The following CPS1 variants were observed in gnomAD, a reference collection of about 807,000 sequenced individuals.
The protein encoded by CPS1 is carbamoyl-phosphate synthase [ammonia], mitochondrial.
In CPS1, 109 loss-of-function variants were observed where a neutral mutation model predicts 174.6. The observed-to-expected ratio is 0.62, with a 90% CI of 0.53 to 0.73. The LOEUF is 0.73. Among genes scored for constraint, CPS1 ranks in the 30% least tolerant of loss-of-function variants. CPS1 has a pLI of 0.00. For missense variants in CPS1, 1,689 were observed against 1,821.9 expected (o/e 0.93, Z 1.33); for synonymous variants, 637 against 632.0 (o/e 1.01, Z -0.12).
At chr2:210,652,561 C>A (rs528946482) in intron 28 of CPS1, among the ~76,000 whole-genome samples, 2 of 152,164 alleles carry the variant, frequency 1.3e-5, no homozygotes, top group East Asian at 3.9e-4. Context: ...GAGTTTTCTG[C>A]CTTGGATAAC....
intron 1 of CPS1, among the ~76,000 whole-genome samples, chr2:210,508,912 C>T (rs189887278): frequency 6.6e-5 from 10 of 152,210 alleles, no homozygotes; most frequent in East Asian, 1.9e-4. Flanking sequence ...AAAAAAAGTC[C>T]GGGACCAGAC....
chr2:210,596,890 T>C (rs79858057), intron 13 of CPS1, among the ~76,000 whole-genome samples: 4,451 of 151,758 alleles, frequency 0.029, 95 homozygotes, highest in Admixed American at 0.056. Flanking sequence ...TTAGATTAGA[T>C]TGTGATCACT....
rs146571670 is a variant in CPS1 at position 210,570,248 on chromosome 2, C to T, written c.127-3050C>T. Among the ~76,000 whole-genome samples the T allele has an allele frequency of 2.4e-4, 36 of 151,602 alleles. No homozygotes were observed. The South Asian group carries it at 3.3e-3, about 14-fold the overall frequency. ...GATCTATAAAAACTGCCAAAAGAAC[C>T]AAAAATATAATTAAAGCAGCAAAAA... On this transcript the variant is annotated intron_variant, in intron 1 of 37. Transcript: ENST00000233072.
chr2:210,599,616 G>A (rs2106126719), intron 14 of CPS1, 55 bp downstream of exon 14: 1 of 1,548,688 alleles, frequency 6.5e-7, no homozygotes, highest in Non-Finnish European at 8.9e-7. Context: ...GCTGTGTAAT[G>A]TATTTTATTT....
intron 1 of CPS1, among the ~76,000 whole-genome samples, chr2:210,540,155 C>T (rs1574504163): frequency 2.0e-5 from 3 of 152,142 alleles, no homozygotes; most frequent in Admixed American, 2.0e-4. Context: ...TAACGAACTC[C>T]CCTCTCCCTG....
chr2:210,635,201 C>T (rs1700006998), intron 21 of CPS1, among the ~76,000 whole-genome samples: 1 of 152,068 alleles, frequency 6.6e-6, no homozygotes, highest in Admixed American at 6.6e-5. Flanking sequence ...CCTCAGCCTC[C>T]CGAAGTGCTG....
At chr2:210,655,382 A>G (rs779179216) in intron 29 of CPS1, among the ~76,000 whole-genome samples, 10 of 152,128 alleles carry the variant, frequency 6.6e-5, no homozygotes, top group Non-Finnish European at 1.3e-4. Flanking sequence ...GTTTTCTCAG[A>G]TATCAACTAT....
In CPS1 at chr2:210,668,327, G is replaced by C. The variant is rs1235683016; in HGVS notation, c.4101+43G>C. On this transcript the variant is annotated intron_variant, in intron 34 of 37. Coordinates refer to ENST00000233072, the MANE Select transcript of CPS1 (RefSeq NM_001875.5). The stretch of plus-strand genomic sequence containing the variant: ...GTGTGCTTGCCCATGGTCATACATG[G>C]TGAGTGGGGAGGGGCAGGATAGAAT... 3.8e-6 allele frequency: 5 copies of C among 1,331,376 alleles called. No individual in the cohort carries two copies. The African/African-American group carries it at 5.8e-5, about 15-fold the overall frequency. The allele number at this position is 1,331,376 out of a possible 1,614,324, so 82.5% of individuals were successfully genotyped here.
At chr2:210,479,003 G>T (rs1356141755) in intron 1 of CPS1, among the ~76,000 whole-genome samples, 15 of 146,866 alleles carry the variant, frequency 1.0e-4, no homozygotes, top group Admixed American at 9.8e-4. Flanking sequence ...AACCAACCCA[G>T]AGAATCCCTC....
At chr2:210,570,709 G>T (rs1355647573) in intron 1 of CPS1, among the ~76,000 whole-genome samples, 2 of 151,108 alleles carry the variant, frequency 1.3e-5, no homozygotes, top group African/African-American at 4.9e-5. Flanking sequence ...TTTTCATTTT[G>T]TAAAAGCATG....
chr2:210,612,427 T>A, intron 20 of CPS1, 134 bp downstream of exon 20: 2 of 799,788 alleles, frequency 2.5e-6, no homozygotes, highest in South Asian at 1.5e-5. Context: ...TCTTTTATAG[T>A]ATTAAACTGG....
At chr2:210,638,445 A>G (rs143870792) in intron 22 of CPS1, among the ~76,000 whole-genome samples, 1 of 152,208 alleles carries the variant, frequency 6.6e-6, no homozygotes, top group Non-Finnish European at 1.5e-5. Context: ...AAGTACCACC[A>G]GCTGGTTTTT....
rs576332642 is a variant in CPS1 at position 210,642,254 on chromosome 2, G to A, written c.2960-230G>A. Among the ~76,000 whole-genome samples the A allele has an allele frequency of 7.9e-5, 12 of 152,204 alleles. No homozygotes were observed. In the East Asian group the frequency reaches 2.3e-3, roughly 29 times the overall value. ...TTGAGATTTTCTATTGCAGAATTTAGCATATATGACAAGCCCAATATTTCC... is the reference window on the plus strand; with the variant it reads ...TTGAGATTTTCTATTGCAGAATTTAACATATATGACAAGCCCAATATTTCC... On this transcript the variant is annotated intron_variant, in intron 24 of 37. Transcript: ENST00000233072.
chr2:210,505,561 G>A (rs1247809682), intron 1 of CPS1, among the ~76,000 whole-genome samples: 1 of 145,876 alleles, frequency 6.9e-6, no homozygotes, highest in Non-Finnish European at 1.5e-5. Flanking sequence ...TGGGTGCAGT[G>A]CACTGAGCAT....
intron 13 of CPS1, among the ~76,000 whole-genome samples, chr2:210,597,857 CACAT>C (rs1698543771): frequency 6.7e-6 from 1 of 149,992 alleles, no homozygotes; most frequent in African/African-American, 2.5e-5. Context: ...CATACACACA[CACAT>C]GCATGCATAC....
chr2:210,548,971 G>A (rs1284533408), intron 1 of CPS1, among the ~76,000 whole-genome samples: 3 of 152,072 alleles, frequency 2.0e-5, no homozygotes, highest in Non-Finnish European at 4.4e-5. Context: ...ATCAGGTTCA[G>A]TATAACAAAT....
At chr2:210,515,053 A>G (rs1203643361) in intron 1 of CPS1, among the ~76,000 whole-genome samples, 1 of 151,850 alleles carries the variant, frequency 6.6e-6, no homozygotes, top group Non-Finnish European at 1.5e-5. Flanking sequence ...AGGCTACATC[A>G]TCATGGTGAA....
chr2:210,502,414 AAT>A (rs1372895792), intron 1 of CPS1, among the ~76,000 whole-genome samples: 1 of 146,300 alleles, frequency 6.8e-6, no homozygotes, highest in Non-Finnish European at 1.5e-5. Context: ...ATATATATAT[AAT>A]ATATATATAA....
intron 30 of CPS1, chr2:210,658,377 A>G (rs1700793285): frequency 2.1e-6 from 1 of 480,812 alleles, no homozygotes; most frequent in South Asian, 2.1e-5. Flanking sequence ...AATCGTGTAC[A>G]ATTATTTGTT....
Sources: gnomAD v4.1 joint callset for allele counts (sites outside exome capture counted in the v4.1 genomes callset) on GRCh38, gnomAD v4.1.1 for gene constraint, MANE v1.5 for transcripts, NCBI Gene and HGNC (gene_info 2026-07-23, HGNC 2026-07-21) for gene names.